The following SRPK2 variants were observed in gnomAD, a reference collection of about 807,000 sequenced individuals.
SRPK2 encodes SRSF protein kinase 2.
A neutral mutation model predicts 90.8 loss-of-function variants in SRPK2; 21 were observed. The ratio of observed to expected loss-of-function variants is 0.23; its 90% CI spans 0.16 to 0.33. The LOEUF is 0.33. Among genes scored for constraint, SRPK2 ranks in the 10% least tolerant of loss-of-function variants. SRPK2 has a pLI of 1.00. For missense variants in SRPK2, 620 were observed against 869.0 expected, an observed-to-expected ratio of 0.71 and a Z score of 3.60; for synonymous variants, 288 against 311.1, an observed-to-expected ratio of 0.93 and a Z score of 0.78.
At chr7:105,164,991 T>G (rs1789849916) in intron 6 of SRPK2, among the ~76,000 whole-genome samples, 1 of 152,176 alleles carries the variant, frequency 6.6e-6, no homozygotes, top group South Asian at 2.1e-4. Flanking sequence ...AAAATGAAAG[T>G]ACTGCCTACT....
In SRPK2 at chr7:105,385,396, T is replaced by C. The variant is rs1258685148; in HGVS notation, c.71+3252A>G. On this transcript the variant is annotated intron_variant, in intron 2 of 15. Transcript: ENST00000393651. ...AGACGGGGTGTTAGCCAGGATGGTCTTGATCTCCTGACCTCGTGATCCGCC... is the reference window on the plus strand; with the variant it reads ...AGACGGGGTGTTAGCCAGGATGGTCCTGATCTCCTGACCTCGTGATCCGCC... 2.0e-5 allele frequency among the ~76,000 whole-genome samples: 3 copies of C among 151,188 alleles called. No homozygotes were observed. The Middle Eastern group carries it at 0.01, about 514-fold the overall frequency.
At chr7:105,203,179 A>G (rs1317157645) in intron 3 of SRPK2, among the ~76,000 whole-genome samples, 1 of 152,034 alleles carries the variant, frequency 6.6e-6, no homozygotes, top group African/African-American at 2.4e-5. Context: ...TTGTAGAGAC[A>G]GTGTCTCACC....
At chr7:105,396,859 A>G (rs1822347209) in intron 1 of SRPK2, among the ~76,000 whole-genome samples, 1 of 150,116 alleles carries the variant, frequency 6.7e-6, no homozygotes, top group Non-Finnish European at 1.5e-5. Flanking sequence ...GGAGGGAGGA[A>G]GGGAGGAAGG....
intron 2 of SRPK2, among the ~76,000 whole-genome samples, chr7:105,364,474 C>T (rs534268357): frequency 1.1e-3 from 170 of 148,854 alleles, no homozygotes; most frequent in Non-Finnish European, 1.5e-3. Flanking sequence ...GATCTTGGCT[C>T]ACTGCAACCG....
intron 2 of SRPK2, among the ~76,000 whole-genome samples, chr7:105,314,644 A>T (rs573663506): frequency 6.6e-6 from 1 of 152,304 alleles, no homozygotes; most frequent in Admixed American, 6.5e-5. Flanking sequence ...TTAGCCTCCC[A>T]AAGTGCTGGG....
intron 2 of SRPK2, among the ~76,000 whole-genome samples, chr7:105,364,148 T>G (rs192511702): frequency 6.6e-5 from 10 of 152,140 alleles, no homozygotes; most frequent in African/African-American, 2.4e-4. Context: ...CAAACCTGCA[T>G]GCTGTGCACA....
chr7:105,295,534 T>C (rs551887511), intron 2 of SRPK2, among the ~76,000 whole-genome samples: 1 of 152,314 alleles, frequency 6.6e-6, no homozygotes, highest in East Asian at 1.9e-4. Context: ...AAGTAAAGTA[T>C]TGTTTAACTC....
chr7:105,231,622 A>G (rs1400101573), intron 2 of SRPK2, among the ~76,000 whole-genome samples: 2 of 152,208 alleles, frequency 1.3e-5, no homozygotes, highest in Non-Finnish European at 1.5e-5. Flanking sequence ...TTGATGTGAG[A>G]TAATACTTCA....
At position 105,215,526 on chromosome 7, in the gene SRPK2, G is replaced by A. The variant is rs142358237; in HGVS notation, c.72-11741C>T. ...AATGAAAACATGTCCACACAAAAAC[G>A]TGTACATGAACACTCACAGCCACAC... On this transcript the variant is annotated intron_variant, in intron 2 of 15. Coordinates refer to ENST00000393651, the MANE Select transcript of SRPK2 (RefSeq NM_182692.3). Among the ~76,000 whole-genome samples, 203 of 152,246 alleles carry A rather than the reference G, an allele frequency of 1.3e-3. 2 individuals carry two copies. Among genetic ancestry groups the A allele is most frequent in the African/African-American group, 4.5e-3 (188 of 41,548 alleles).
intron 2 of SRPK2, chr7:105,269,171 G>T: frequency 1.2e-6 from 1 of 832,862 alleles, no homozygotes; most frequent in Non-Finnish European, 1.4e-6. Context: ...TTTCAATTTA[G>T]CAAAATAAAA....
chr7:105,163,129 G>A (rs1249122350), intron 6 of SRPK2, among the ~76,000 whole-genome samples: 1 of 152,098 alleles, frequency 6.6e-6, no homozygotes, highest in Non-Finnish European at 1.5e-5. Flanking sequence ...AAAAGTCTAT[G>A]GAAAATGTGT....
At chr7:105,389,357 C>G, upstream of SRPK2, 1 of 1,273,858 alleles carries the variant, frequency 7.9e-7, no homozygotes, top group East Asian at 6.3e-5. Context: ...TCCTCTACAT[C>G]CTTGCAACCC....
At chr7:105,173,544 T>C (rs561540201) in intron 3 of SRPK2, among the ~76,000 whole-genome samples, 1 of 152,226 alleles carries the variant, frequency 6.6e-6, no homozygotes, top group South Asian at 2.1e-4. Flanking sequence ...CCAGGGAATC[T>C]GAAAAAATGA....
intron 3 of SRPK2, among the ~76,000 whole-genome samples, chr7:105,186,596 C>T (rs949420085): frequency 3.9e-5 from 6 of 152,138 alleles, no homozygotes; most frequent in African/African-American, 7.2e-5. Context: ...CAACAAAGGC[C>T]GAAACAGTAT....
intron 2 of SRPK2, among the ~76,000 whole-genome samples, chr7:105,291,660 G>T (rs186117632): frequency 2.0e-5 from 3 of 152,176 alleles, no homozygotes; most frequent in African/African-American, 7.2e-5. Context: ...AACCCAGGGG[G>T]CAGAGGCTGC....
intron 2 of SRPK2, among the ~76,000 whole-genome samples, chr7:105,294,113 T>C (rs901700967): frequency 6.6e-6 from 1 of 152,156 alleles, no homozygotes; most frequent in Non-Finnish European, 1.5e-5. Flanking sequence ...CATGTGCCCC[T>C]AGTTCCTGAC....
chr7:105,321,331 T>G (rs754016604), intron 2 of SRPK2, among the ~76,000 whole-genome samples: 1 of 152,110 alleles, frequency 6.6e-6, no homozygotes, highest in East Asian at 1.9e-4. Flanking sequence ...AAACTTAAAA[T>G]CGACAAACAA....
intron 2 of SRPK2, among the ~76,000 whole-genome samples, chr7:105,340,399 C>CTTTTTTTT (rs781142110): frequency 7.8e-6 from 1 of 128,314 alleles, no homozygotes; most frequent in South Asian, 2.4e-4. Context: ...CTTTTCTCTC[C>CTTTTTTTT]TTTTTTTTTT....
At chr7:105,285,217 C>G (rs1333385805) in intron 2 of SRPK2, among the ~76,000 whole-genome samples, 2 of 151,658 alleles carry the variant, frequency 1.3e-5, no homozygotes, top group East Asian at 3.9e-4. Context: ...GAAACCCTAT[C>G]TCTACAAAAA....
Sources: allele counts gnomAD v4.1 joint callset (sites outside exome capture counted in the v4.1 genomes callset), GRCh38; gene constraint gnomAD v4.1.1; transcripts MANE v1.5; gene names NCBI Gene and HGNC (gene_info 2026-07-23, HGNC 2026-07-21).